Variants in UROC1 observed in about 807,000 individuals in gnomAD.
The protein encoded by UROC1 is urocanate hydratase 1.
A neutral mutation model predicts 89.5 loss-of-function variants in UROC1; 79 were observed. The observed-to-expected ratio is 0.88, with a 90% CI of 0.74 to 1.06. The LOEUF (loss-of-function observed/expected upper bound fraction) is 1.06, where lower values mean the gene tolerates loss of function less well. UROC1 is among the 50% of genes least tolerant of loss of function. The pLI is 0.00. For missense variants in UROC1, 885 were observed against 907.8 expected (o/e 0.97, Z 0.32); for synonymous variants, 361 against 354.8 (o/e 1.02, Z -0.20).
At chr3:126,516,979 T>C (rs561532794) in intron 1 of UROC1, among the ~76,000 whole-genome samples, 1 of 152,116 alleles carries the variant, frequency 6.6e-6, no homozygotes, top group South Asian at 2.1e-4. Context: ...CCTACTTTAT[T>C]TCATTACTCT....
intron 19 of UROC1, 125 bp downstream of exon 19, chr3:126,483,244 G>C (rs1305026383): frequency 1.2e-6 from 1 of 843,196 alleles, no homozygotes; most frequent in Admixed American, 2.0e-5. Flanking sequence ...GCTGTGCTGT[G>C]GTCATGAGAG....
chr3:126,517,661 C>T lies in UROC1; in HGVS notation c.59G>A (p.Arg20Gln), dbSNP rs184621973. ...GLPLRPLPEN[R>Q]GRQAGVPHAP... ...ATGGGGCACCCCAGCCTGGCGTCCCCGGTTCTCTGGGAGGGGCCGCAGGGG... is the reference window on the plus strand; with the variant it reads ...ATGGGGCACCCCAGCCTGGCGTCCCTGGTTCTCTGGGAGGGGCCGCAGGGG... The change falls in exon 1 of 20, where the codon CGG becomes CAG. Residue 20 changes from arginine to glutamine, a missense_variant. Transcript: ENST00000290868. 1.0e-3 allele frequency: 1,680 copies of T among 1,608,010 alleles called. 27 individuals are homozygous for T. In the Admixed American group the frequency reaches 0.027, roughly 26 times the overall value.
chr3:126,499,827 G>C (rs999172625), intron 12 of UROC1, among the ~76,000 whole-genome samples: 2 of 152,230 alleles, frequency 1.3e-5, no homozygotes, highest in African/African-American at 4.8e-5. Flanking sequence ...CTCTCCGTAT[G>C]GGACTTTATG....
intron 6 of UROC1, among the ~76,000 whole-genome samples, chr3:126,507,140 C>T (rs1936079994): frequency 6.6e-6 from 1 of 152,044 alleles, no homozygotes; most frequent in African/African-American, 2.4e-5. Context: ...AGCTTTCATT[C>T]CCTGAGAGGG....
chr3:126,501,954 G>A, intron 9 of UROC1: 1 of 1,587,254 alleles, frequency 6.3e-7, no homozygotes, highest in Non-Finnish European at 8.5e-7. Context: ...GGACCCTGTG[G>A]GAACCGTGAG....
intron 9 of UROC1, among the ~76,000 whole-genome samples, chr3:126,503,618 C>T (rs1194340301): frequency 6.6e-6 from 1 of 152,210 alleles, no homozygotes; most frequent in East Asian, 1.9e-4. Context: ...TGCGAGCCCA[C>T]ACAGCAGGGA....
At position 126,499,336 on chromosome 3, in the gene UROC1, C is replaced by G; in HGVS notation, c.1316+1G>C. 1 of 1,611,052 alleles carries G rather than the reference C, an allele frequency of 6.2e-7. No individual in the cohort carries two copies. Among genetic ancestry groups the G allele is most frequent in the Non-Finnish European group, 8.5e-7 (1 of 1,179,486 alleles). ...AGATGTGGCAGCCGCCCATCACTCA[C>G]CCCATGATGTGCTGCACATAGGAAG... On this transcript the variant is annotated splice_donor_variant, in intron 13 of 19. Coordinates refer to ENST00000290868, the MANE Select transcript of UROC1 (RefSeq NM_144639.3). LOFTEE classifies it high-confidence loss of function.
In UROC1 at chr3:126,488,215, G is replaced by A. The variant is rs149541232; in HGVS notation, c.1773C>T (p.Asn591=). 1.8e-5 allele frequency: 29 copies of A among 1,614,086 alleles called. No individual in the cohort carries two copies. Among genetic ancestry groups the A allele is most frequent in the Admixed American group, 3.3e-5 (2 of 60,010 alleles). The change falls in exon 18 of 20, where the codon AAC becomes AAT. Residue 591 remains asparagine (N), a synonymous_variant. Transcript: ENST00000290868. ...CTTCTTACCAGCCCACGCCCCCTCC[G>A]TTGTGAAGGGCGACCCAGGTGGCTC... ...CRGATWVALH[N]GGGVGWGEVI...
At position 126,509,596 on chromosome 3, in the gene UROC1, C is replaced by A; in HGVS notation, c.340G>T (p.Ala114Ser). 6.4e-7 allele frequency: 1 copy of A among 1,551,900 alleles called. No individual in the cohort carries two copies. The highest frequency in any genetic ancestry group is 8.7e-7 in the Non-Finnish European group (1 of 1,147,098). ...MHMIMNNLDPAVAQFPQELVT... is the reference protein window; with the variant it reads ...MHMIMNNLDPSVAQFPQELVT... ...TCCCTGGCTATTACCTGGGCCACGG[C>A]AGGATCCAGGTTGTTCATAATCATG... is the stretch of plus-strand genomic sequence containing the variant. The change falls in exon 3 of 20, where the codon GCC becomes TCC. Residue 114 changes from alanine (A) to serine (S), a missense_variant. Physicochemically the swap from Ala to Ser is moderately conservative, Grantham distance 99. Coordinates refer to ENST00000290868, the MANE Select transcript of UROC1 (RefSeq NM_144639.3).
intron 18 of UROC1, among the ~76,000 whole-genome samples, chr3:126,485,800 T>C (rs1454938052): frequency 6.6e-6 from 1 of 151,866 alleles, no homozygotes; most frequent in African/African-American, 2.4e-5. Flanking sequence ...TCTGTGCACA[T>C]TCAAGTTTCA....
intron 19 of UROC1, among the ~76,000 whole-genome samples, chr3:126,483,121 G>A (rs1380896349): frequency 1.3e-5 from 2 of 152,162 alleles, no homozygotes; most frequent in Admixed American, 1.3e-4. Flanking sequence ...AGTCACCCAA[G>A]CTGTCTGAAC....
At chr3:126,503,870 C>A in intron 9 of UROC1, 125 bp downstream of exon 9, 3 of 995,150 alleles carry the variant, frequency 3.0e-6, no homozygotes, top group Non-Finnish European at 4.8e-6. Context: ...TGTGTGGTGC[C>A]CACATGTAGC....
At chr3:126,513,696 A>G (rs1027072973) in intron 1 of UROC1, among the ~76,000 whole-genome samples, 4 of 152,294 alleles carry the variant, frequency 2.6e-5, no homozygotes, top group Non-Finnish European at 5.9e-5. Flanking sequence ...GTCATCTCCC[A>G]CACTCGTGGG....
intron 15 of UROC1, among the ~76,000 whole-genome samples, chr3:126,492,755 C>G (rs572715946): frequency 6.6e-6 from 1 of 152,296 alleles, no homozygotes; most frequent in Non-Finnish European, 1.5e-5. Context: ...CCACTGTAGT[C>G]TGGGCCTCCA....
chr3:126,492,564 A>G (rs1350263809), intron 15 of UROC1, 48 bp from the exon 16 acceptor site: 9 of 1,492,286 alleles, frequency 6.0e-6, no homozygotes, highest in African/African-American at 1.4e-5. Context: ...AGGCAGCAAT[A>G]ACAGGACCTG....
chr3:126,496,634 C>T (rs1011542055), intron 14 of UROC1, among the ~76,000 whole-genome samples: 4 of 152,184 alleles, frequency 2.6e-5, no homozygotes, highest in East Asian at 1.9e-4. Context: ...GCCAAGCTCA[C>T]GGAGTATGTG....
At chr3:126,496,775 AATTAT>A (rs928408613) in intron 14 of UROC1, among the ~76,000 whole-genome samples, 2 of 152,160 alleles carry the variant, frequency 1.3e-5, no homozygotes, top group Non-Finnish European at 2.9e-5. Context: ...ACTTTTACCA[AATTAT>A]ATTAAAATGA....
intron 2 of UROC1, 81 bp from the exon 3 acceptor site, chr3:126,509,759 G>A (rs964873129): frequency 2.6e-5 from 34 of 1,323,178 alleles, no homozygotes; most frequent in African/African-American, 1.2e-4. Flanking sequence ...GCCCCTGGCC[G>A]CTCAGGCAAG....
At chr3:126,499,712 T>G (rs1167555741) in intron 12 of UROC1, among the ~76,000 whole-genome samples, 5 of 152,192 alleles carry the variant, frequency 3.3e-5, no homozygotes, top group Non-Finnish European at 7.3e-5. Context: ...CTTTTGAACC[T>G]CATACCCCAT....
Sources: gnomAD v4.1 joint callset for allele counts (sites outside exome capture counted in the v4.1 genomes callset) on GRCh38, gnomAD v4.1.1 for gene constraint, MANE v1.5 for transcripts, NCBI Gene and HGNC (gene_info 2026-07-23, HGNC 2026-07-21) for gene names.